Variants in SLC5A10 observed in about 807,000 individuals in gnomAD.
SLC5A10 encodes the protein solute carrier family 5 member 10.
In SLC5A10, 55 loss-of-function variants were observed where a neutral mutation model predicts 68.9. The ratio of observed to expected loss-of-function variants is 0.80; its 90% CI spans 0.64 to 1.00. The LOEUF (loss-of-function observed/expected upper bound fraction) is 1.00. Ranked by LOEUF, SLC5A10 falls within the 50% of genes least tolerant of loss-of-function variation. The pLI is 0.00. For missense variants in SLC5A10, 732 were observed against 819.3 expected, an observed-to-expected ratio of 0.89 and a Z score of 1.30; for synonymous variants, 344 against 344.8, an observed-to-expected ratio of 1.00 and a Z score of 0.02.
intron 9 of SLC5A10, chr17:18,977,588 G>T: frequency 6.2e-7 from 1 of 1,607,694 alleles, no homozygotes. Flanking sequence ...ACCCACCTGT[G>T]CCTCCTTGTC....
Position 18,971,285 on chromosome 17 carries a change from C to A in SLC5A10, c.846+67C>A, listed in dbSNP as rs753987702. 1 of 1,609,392 alleles carries A rather than the reference C, an allele frequency of 6.2e-7. No homozygotes were observed. Among genetic ancestry groups the A allele is most frequent in the South Asian group, 1.1e-5 (1 of 90,904 alleles). ...CCCAGTGGGCTCTGGTAGGCCCAGG[C>A]GGCCTGTCTGCCCTCCGCGTCATGA... On this transcript the variant is annotated intron_variant, in intron 8 of 14. Transcript: ENST00000395645. This position sits in a 1 kb window ranked among gnomAD's most constrained non-coding sequence, Gnocchi z 5.5.
chr17:18,992,923 A>G (rs1178709404), intron 9 of SLC5A10, among the ~76,000 whole-genome samples: 1 of 152,112 alleles, frequency 6.6e-6, no homozygotes, highest in East Asian at 1.9e-4. Flanking sequence ...AGGTGCCAAC[A>G]ACAGCCTGTG....
Position 19,000,047 on chromosome 17 carries a change from G to A in SLC5A10, c.983-13363G>A, listed in dbSNP as rs2043689894. On this transcript the variant is annotated intron_variant, in intron 9 of 14. Coordinates refer to ENST00000395645, the MANE Select transcript of SLC5A10 (RefSeq NM_001042450.4). The surrounding 1 kb of genome is among the most constrained non-coding windows in gnomAD (Gnocchi z 5.2). The stretch of plus-strand genomic sequence containing the variant: ...CCAGCCCAGCCTCACGCCTTCTCAG[G>A]CTGCAGCCAAGTGAGGCCGGGGCTC... Among the ~76,000 whole-genome samples the A allele has an allele frequency of 6.6e-6, 1 of 152,248 alleles. No individual in the cohort carries two copies. Among genetic ancestry groups the A allele is most frequent in the South Asian group, 2.1e-4 (1 of 4,836 alleles).
At chr17:18,979,870 C>T (rs548225149) in intron 9 of SLC5A10, among the ~76,000 whole-genome samples, 14 of 152,228 alleles carry the variant, frequency 9.2e-5, no homozygotes, top group African/African-American at 2.9e-4. Context: ...GCTGCTGAGC[C>T]GTGAAGCTAC....
chr17:19,001,874 GCA>G (rs1491257888), intron 9 of SLC5A10, among the ~76,000 whole-genome samples: 1 of 152,178 alleles, frequency 6.6e-6, no homozygotes, highest in Non-Finnish European at 1.5e-5. Flanking sequence ...AGGAGGGGAG[GCA>G]CAGAGGAGTG....
chr17:18,977,210 C>G (rs960544903), intron 9 of SLC5A10: 38 of 642,240 alleles, frequency 5.9e-5, no homozygotes, highest in Non-Finnish European at 9.5e-5. Flanking sequence ...TGTGTGACCT[C>G]AAGGCTGTAA....
At position 19,003,393 on chromosome 17, in the gene SLC5A10, A is replaced by G. The variant is rs559556279; in HGVS notation, c.983-10017A>G. 9.6e-7 allele frequency: 1 copy of G among 1,038,106 alleles called. No homozygotes were observed. The highest frequency in any genetic ancestry group is 2.8e-5 in the South Asian group (1 of 35,950). The allele number at this position is 1,038,106 out of a possible 1,614,324, so 64.3% of individuals were successfully genotyped here. ...GGAAACCTCCACCCAAGAGGCAGCCAGGGAAAACAGCAGAGATCCCTAGAA... is the reference window on the plus strand; with the variant it reads ...GGAAACCTCCACCCAAGAGGCAGCCGGGGAAAACAGCAGAGATCCCTAGAA... On this transcript the variant is annotated intron_variant, in intron 9 of 14. Coordinates refer to ENST00000395645, the MANE Select transcript of SLC5A10 (RefSeq NM_001042450.4). This position sits in a 1 kb window ranked among gnomAD's most constrained non-coding sequence, Gnocchi z 4.5.
chr17:19,007,988 C>T (rs981380348), intron 9 of SLC5A10, among the ~76,000 whole-genome samples: 1 of 152,138 alleles, frequency 6.6e-6, no homozygotes, highest in Non-Finnish European at 1.5e-5. Flanking sequence ...TTCTTGAAAG[C>T]AGAAATGTTA....
intron 9 of SLC5A10, among the ~76,000 whole-genome samples, chr17:19,005,538 C>T (rs1039865837): frequency 5.1e-4 from 78 of 152,192 alleles, no homozygotes; most frequent in African/African-American, 1.9e-3. Flanking sequence ...CAGGCCCAGC[C>T]CTTCCTCCCA....
intron 9 of SLC5A10, among the ~76,000 whole-genome samples, chr17:18,985,698 G>C (rs1465588276): frequency 3.9e-5 from 6 of 152,226 alleles, no homozygotes; most frequent in African/African-American, 1.4e-4. Context: ...GAATGAGGAA[G>C]CCAGGTCACA....
chr17:19,011,839 C>T (rs1056867136), intron 9 of SLC5A10, among the ~76,000 whole-genome samples: 1 of 151,304 alleles, frequency 6.6e-6, no homozygotes, highest in African/African-American at 2.4e-5. Flanking sequence ...CTGCCCCAGG[C>T]CAGCTGGCCT....
chr17:18,988,252 G>A, intron 9 of SLC5A10: 1 of 1,608,300 alleles, frequency 6.2e-7, no homozygotes, highest in Non-Finnish European at 8.5e-7. Context: ...CTCACCTTGA[G>A]GTGCCCCAGG....
chr17:18,969,411 T>C lies in SLC5A10; in HGVS notation c.629T>C (p.Leu210Pro), dbSNP rs1242266517. 3.1e-6 allele frequency: 5 copies of C among 1,613,744 alleles called. No individual in the cohort carries two copies. The change falls in exon 7 of 15, where the codon CTG becomes CCG. Residue 210 changes from leucine to proline, a missense_variant. Coordinates refer to ENST00000395645, the MANE Select transcript of SLC5A10 (RefSeq NM_001042450.4). ...ATCATGGTGGTGGGGGCTGTCATCCTGACAATCAAAGGTGAGGACAGAGTC... is the reference window on the plus strand; with the variant it reads ...ATCATGGTGGTGGGGGCTGTCATCCCGACAATCAAAGGTGAGGACAGAGTC... ...TLIMVVGAVI[L>P]TIKAFDQIGG...
intron 9 of SLC5A10, among the ~76,000 whole-genome samples, chr17:18,985,222 C>T (rs573309806): frequency 6.6e-5 from 10 of 152,322 alleles, no homozygotes; most frequent in African/African-American, 1.9e-4. Context: ...ACCGCACAAA[C>T]GGCCTCCTTC....
At chr17:18,963,747 C>T (rs1212483913) in intron 5 of SLC5A10, among the ~76,000 whole-genome samples, 1 of 152,230 alleles carries the variant, frequency 6.6e-6, no homozygotes, top group South Asian at 2.1e-4. Flanking sequence ...GGAGGACCGG[C>T]GATGGCAGGG....
Position 19,021,456 on chromosome 17 carries a change from G to A in SLC5A10, c.*1025G>A. The A allele has an allele frequency of 5.2e-6, 1 of 190,628 alleles. No individual in the cohort carries two copies. Among genetic ancestry groups the A allele is most frequent in the Non-Finnish European group, 1.1e-5 (1 of 93,946 alleles). The allele number at this position is 190,628 out of a possible 1,614,324, so 11.8% of individuals were successfully genotyped here. A position where few individuals can be genotyped will look rare whatever the true frequency, so the allele number is the denominator to read the frequency against. On this transcript the variant is annotated 3_prime_UTR_variant, in exon 15 of 15. Coordinates refer to ENST00000395645, the MANE Select transcript of SLC5A10 (RefSeq NM_001042450.4). The surrounding 1 kb of genome is among the most constrained non-coding windows in gnomAD (Gnocchi z 4.1). ...CCTGGAGTCTGTCCAGTGAGTTTAGGTCAACAGGTGTGCAGTCTGTCCTTC... is the reference window on the plus strand; with the variant it reads ...CCTGGAGTCTGTCCAGTGAGTTTAGATCAACAGGTGTGCAGTCTGTCCTTC...
At chr17:18,991,287 G>A (rs2152132312) in intron 9 of SLC5A10, among the ~76,000 whole-genome samples, 1 of 152,242 alleles carries the variant, frequency 6.6e-6, no homozygotes, top group East Asian at 1.9e-4. Flanking sequence ...CTTGGTCTGG[G>A]AATGACTGCA....
chr17:19,013,944 G>T (rs1172616473), intron 10 of SLC5A10, among the ~76,000 whole-genome samples: 2 of 152,148 alleles, frequency 1.3e-5, no homozygotes, highest in African/African-American at 4.8e-5. Flanking sequence ...GCAAGACAAG[G>T]GAGTGGGTGG....
chr17:18,968,902 C>G lies in SLC5A10; in HGVS notation c.454-150C>G. 4.6e-6 allele frequency: 3 copies of G among 658,412 alleles called. No individual in the cohort carries two copies. The highest frequency in any genetic ancestry group is 7.7e-6 in the Non-Finnish European group (3 of 391,232). The allele number at this position is 658,412 out of a possible 1,614,324, so 40.8% of individuals were successfully genotyped here. On this transcript the variant is annotated intron_variant, in intron 5 of 14. Coordinates refer to ENST00000395645, the MANE Select transcript of SLC5A10 (RefSeq NM_001042450.4). This position sits in a 1 kb window ranked among gnomAD's most constrained non-coding sequence, Gnocchi z 4.1. The stretch of plus-strand genomic sequence containing the variant: ...TCTTCCCCCAACCTCACAATGGCCC[C>G]GTGATGCAGGCAGGCAGGCGAGTGG...
Sources: gnomAD v4.1 joint callset for allele counts (sites outside exome capture counted in the v4.1 genomes callset) on GRCh38, gnomAD v4.1.1 for gene constraint, Gnocchi (gnomAD v3.1) non-coding constraint, MANE v1.5 for transcripts, NCBI Gene and HGNC (gene_info 2026-07-23, HGNC 2026-07-21) for gene names.